TAF4: variants seen among roughly 807,000 people sequenced by gnomAD.
TAF4 encodes the protein transcription initiation factor TFIID subunit 4.
In TAF4, 9 loss-of-function variants were observed where a neutral mutation model predicts 90.3. The ratio of observed to expected loss-of-function variants is 0.10; its 90% CI spans 0.06 to 0.17. TAF4 has a LOEUF of 0.17. Ranked by LOEUF, TAF4 falls within the 10% of genes least tolerant of loss-of-function variation. TAF4 has a pLI of 1.00. For synonymous variants in TAF4, 818 were observed against 638.9 expected (o/e 1.28, Z -4.23); for missense variants, 1,351 against 1,370.7 (o/e 0.99, Z 0.23).
intron 1 of TAF4, among the ~76,000 whole-genome samples, chr20:62,024,591 G>A (rs1300749369): frequency 6.6e-6 from 1 of 152,172 alleles, no homozygotes; most frequent in African/African-American, 2.4e-5. Context: ...AACCCAGGTT[G>A]GGCGTGGTGG....
intron 1 of TAF4, among the ~76,000 whole-genome samples, chr20:62,020,146 G>A (rs1282261051): frequency 2.0e-5 from 3 of 152,220 alleles, no homozygotes; most frequent in African/African-American, 7.2e-5. Flanking sequence ...ATCCTGCTAT[G>A]CAAGTCACTC....
At chr20:62,001,149 G>A (rs1481262521) in intron 9 of TAF4, among the ~76,000 whole-genome samples, 1 of 152,210 alleles carries the variant, frequency 6.6e-6, no homozygotes, top group Non-Finnish European at 1.5e-5. Flanking sequence ...TTGCTAACCT[G>A]ACTTTCCTCC....
At chr20:62,052,760 G>A (rs1439543173) in intron 1 of TAF4, among the ~76,000 whole-genome samples, 1 of 10,010 alleles carries the variant, frequency 1.0e-4, no homozygotes, top group Non-Finnish European at 1.9e-4. Context: ...CCCACACCCC[G>A]GGTCCCTCAA....
intron 14 of TAF4, among the ~76,000 whole-genome samples, chr20:61,992,957 A>C (rs1289205073): frequency 6.6e-6 from 1 of 152,164 alleles, no homozygotes; most frequent in African/African-American, 2.4e-5. Context: ...AAAAATAAAA[A>C]CAACACACTA....
At position 62,064,836 on chromosome 20, in the gene TAF4, G is replaced by C; in HGVS notation, c.975C>G (p.Val325=). The change falls in exon 1 of 15, where the codon GTC becomes GTG. Residue 325 remains valine (V), a synonymous_variant. Transcript: ENST00000252996. ...CCGCGCCGGGCCCGGGTTGGCCGCT[G>C]ACCCCCGCGGGGCCCCCGGCGGCCG... The part of the protein sequence containing the change: ...PAPAAGGPAG[V]SGQPGPGAAA... The C allele has an allele frequency of 2.1e-6, 2 of 967,180 alleles. No individual in the cohort carries two copies. Among genetic ancestry groups the C allele is most frequent in the Non-Finnish European group, 2.4e-6 (2 of 819,470 alleles). 59.9% of individuals were successfully genotyped at this position (967,180 alleles called of 1,614,324 possible).
intron 14 of TAF4, among the ~76,000 whole-genome samples, chr20:61,988,375 T>A (rs1485168543): frequency 1.3e-5 from 2 of 152,194 alleles, no homozygotes; most frequent in African/African-American, 2.4e-5. Flanking sequence ...AAAAATAGTT[T>A]ATTAATTTAT....
intron 1 of TAF4, among the ~76,000 whole-genome samples, chr20:62,062,123 C>A (rs767743568): frequency 1.2e-4 from 18 of 152,204 alleles, no homozygotes; most frequent in Non-Finnish European, 2.6e-4. Flanking sequence ...CTAATACTCC[C>A]GGCTCCTCCT....
In TAF4 at chr20:62,065,796, C is replaced by T. The variant is rs1373532726; in HGVS notation, c.15G>A (p.Ser5=). 4 of 1,307,314 alleles carry T rather than the reference C, an allele frequency of 3.1e-6. No individual in the cohort carries two copies. Among genetic ancestry groups the T allele is most frequent in the Admixed American group, 2.6e-5 (1 of 38,704 alleles). The allele number at this position is 1,307,314 out of a possible 1,614,324, so 81.0% of individuals were successfully genotyped here. ...TGAAGAAGACCTCGTCCAGCAGATC[C>T]GAGCCCGCCGCCATCTTTTTTCCTC... The part of the protein sequence containing the change: MAAG[S]DLLDEVFFNS... The change falls in exon 1 of 15, where the codon TCG becomes TCA. Residue 5 remains serine, a synonymous_variant. Transcript: ENST00000252996.
intron 1 of TAF4, among the ~76,000 whole-genome samples, chr20:62,035,658 T>C (rs936176284): frequency 6.6e-6 from 1 of 152,250 alleles, no homozygotes; most frequent in Non-Finnish European, 1.5e-5. Flanking sequence ...AAAGGACTTC[T>C]TAAAGATGAC....
intron 1 of TAF4, among the ~76,000 whole-genome samples, chr20:62,017,883 C>CA (rs908335712): frequency 2.7e-4 from 40 of 147,440 alleles, no homozygotes; most frequent in Non-Finnish European, 4.2e-4. Context: ...GGAATACGTT[C>CA]AAAAAAAAAA....
Position 62,006,868 on chromosome 20 carries a change from G to A in TAF4, c.1975-110C>T. 1 of 1,368,784 alleles carries A rather than the reference G, an allele frequency of 7.3e-7. No individual in the cohort carries two copies. Among genetic ancestry groups the A allele is most frequent in the Non-Finnish European group, 9.5e-7 (1 of 1,049,184 alleles). The allele number at this position is 1,368,784 out of a possible 1,614,324, so 84.8% of individuals were successfully genotyped here. A position where few individuals can be genotyped will look rare whatever the true frequency, so the allele number is the denominator to read the frequency against. Reference sequence around the variant, plus strand: ...TACAGAAAGCTTTTGAGCTAAGTAAGATGGATCTTGGCCCTCACGGCAGCA... The same window carrying A: ...TACAGAAAGCTTTTGAGCTAAGTAAAATGGATCTTGGCCCTCACGGCAGCA... On this transcript the variant is annotated intron_variant, in intron 6 of 14. Coordinates refer to ENST00000252996, the MANE Select transcript of TAF4 (RefSeq NM_003185.4). This position sits in a 1 kb window ranked among gnomAD's most constrained non-coding sequence, Gnocchi z 7.0.
chr20:62,003,319 G>T (rs756802980), intron 8 of TAF4, 45 bp from the exon 9 acceptor site: 2 of 1,475,242 alleles, frequency 1.4e-6, no homozygotes, highest in South Asian at 1.1e-5. Context: ...GCTTTTATTA[G>T]ATCAACTATG....
chr20:62,003,602 G>C (rs532210271), intron 8 of TAF4, 129 bp downstream of exon 8: 1 of 1,061,448 alleles, frequency 9.4e-7, no homozygotes, highest in Admixed American at 2.9e-5. Context: ...CAGTGCCACT[G>C]AACTAGATAC....
In TAF4 at chr20:61,977,748, C is replaced by T. The variant is rs1252071306; in HGVS notation, c.3091-1413G>A. 3.9e-5 allele frequency among the ~76,000 whole-genome samples: 6 copies of T among 152,328 alleles called. No individual in the cohort carries two copies. In the South Asian group the frequency reaches 8.3e-4, roughly 21 times the overall value. ...CACACTAGCTCATTATAAAGTGATC[C>T]GCACCTGAGGGCCAGGCCTCCCAAA... On this transcript the variant is annotated intron_variant, in intron 14 of 14. Transcript: ENST00000252996.
chr20:62,029,210 A>C (rs967657703), intron 1 of TAF4, among the ~76,000 whole-genome samples: 4 of 151,992 alleles, frequency 2.6e-5, no homozygotes, highest in Non-Finnish European at 5.9e-5. Flanking sequence ...AAAAAAAAAA[A>C]AACTTAGGAA....
intron 1 of TAF4, among the ~76,000 whole-genome samples, chr20:62,039,863 G>C (rs1460718630): frequency 6.6e-6 from 1 of 152,138 alleles, no homozygotes; most frequent in African/African-American, 2.4e-5. Context: ...CCTCCCGAAA[G>C]AAGATAGGCA....
chr20:61,976,059 A>C lies in TAF4; in HGVS notation c.*109T>G. ...AGCTGATTTAGAAACAGGAATATAA[A>C]ACTGTTCCATTGTAAAGAGGTGGCT... On this transcript the variant is annotated 3_prime_UTR_variant, in exon 15 of 15. Transcript: ENST00000252996. 2 of 1,202,306 alleles carry C rather than the reference A, an allele frequency of 1.7e-6. No homozygotes were observed. Among genetic ancestry groups the C allele is most frequent in the Non-Finnish European group, 2.4e-6 (2 of 837,692 alleles). 74.5% of individuals were successfully genotyped at this position (1,202,306 alleles called of 1,614,324 possible).
intron 1 of TAF4, among the ~76,000 whole-genome samples, chr20:62,015,281 C>T (rs750596107): frequency 2.6e-5 from 4 of 152,224 alleles, no homozygotes; most frequent in Non-Finnish European, 4.4e-5. Flanking sequence ...GGCGCAGATG[C>T]GACGCAACCC....
intron 1 of TAF4, among the ~76,000 whole-genome samples, chr20:62,020,153 A>T (rs1462930827): frequency 1.3e-5 from 2 of 152,004 alleles, no homozygotes; most frequent in Admixed American, 1.3e-4. Context: ...TATGCAAGTC[A>T]CTCCGGAGCA....
Sources: gnomAD v4.1 joint callset for allele counts (sites outside exome capture counted in the v4.1 genomes callset) on GRCh38, gnomAD v4.1.1 for gene constraint, Gnocchi (gnomAD v3.1) non-coding constraint, MANE v1.5 for transcripts, NCBI Gene and HGNC (gene_info 2026-07-23, HGNC 2026-07-21) for gene names.